The following UVRAG variants were observed in gnomAD, a reference collection of about 807,000 sequenced individuals.
The protein encoded by UVRAG is UV radiation resistance associated.
UVRAG carries 19 observed loss-of-function variants against 78.0 expected under a neutral mutation model. The ratio of observed to expected loss-of-function variants is 0.24; its 90% CI spans 0.17 to 0.36. The LOEUF (loss-of-function observed/expected upper bound fraction) is 0.36. Among genes scored for constraint, UVRAG ranks in the 10% least tolerant of loss-of-function variants. The pLI is 1.00. For synonymous variants in UVRAG, 323 were observed against 324.6 expected (o/e 1.00, Z 0.05); for missense variants, 740 against 853.8 (o/e 0.87, Z 1.66).
chr11:76,033,467 C>T (rs1026703660), intron 12 of UVRAG, among the ~76,000 whole-genome samples: 3 of 151,640 alleles, frequency 2.0e-5, no homozygotes, highest in Non-Finnish European at 4.4e-5. Context: ...TTGAAAAATC[C>T]TTGGCTTTGA....
chr11:75,987,074 T>C (rs1172384615), intron 8 of UVRAG, among the ~76,000 whole-genome samples: 2 of 152,260 alleles, frequency 1.3e-5, no homozygotes, highest in Non-Finnish European at 2.9e-5. Flanking sequence ...AGCATTCATA[T>C]ACAACTTTTT....
At chr11:76,041,004 T>C (rs147754425) in intron 12 of UVRAG, among the ~76,000 whole-genome samples, 64 of 152,242 alleles carry the variant, frequency 4.2e-4, no homozygotes, top group South Asian at 1.0e-3. Flanking sequence ...TTAACAATTA[T>C]ATGAAAGTAT....
intron 5 of UVRAG, among the ~76,000 whole-genome samples, chr11:75,907,935 A>G (rs1177214298): frequency 6.6e-6 from 1 of 152,170 alleles, no homozygotes; most frequent in Non-Finnish European, 1.5e-5. Context: ...AAAATTTACT[A>G]TCTTAACCAT....
intron 13 of UVRAG, among the ~76,000 whole-genome samples, chr11:76,078,454 A>G (rs1157941865): frequency 4.6e-5 from 7 of 152,014 alleles, no homozygotes; most frequent in Non-Finnish European, 1.0e-4. Flanking sequence ...ATTGGTTTAA[A>G]AATATATATA....
intron 13 of UVRAG, among the ~76,000 whole-genome samples, chr11:76,105,776 A>G (rs1393348874): frequency 6.6e-6 from 1 of 152,100 alleles, no homozygotes; most frequent in African/African-American, 2.4e-5. Flanking sequence ...AATAAAATAA[A>G]ACTTCATTGA....
intron 8 of UVRAG, among the ~76,000 whole-genome samples, chr11:76,000,577 T>G (rs1049355311): frequency 4.0e-5 from 6 of 151,660 alleles, no homozygotes; most frequent in African/African-American, 1.5e-4. Flanking sequence ...CATTGCACAC[T>G]GCAGCATAGC....
intron 5 of UVRAG, among the ~76,000 whole-genome samples, chr11:75,900,323 C>T (rs191228076): frequency 6.6e-6 from 1 of 152,148 alleles, no homozygotes; most frequent in Non-Finnish European, 1.5e-5. Flanking sequence ...TCACCCCATC[C>T]TGTAAGTTAA....
At chr11:76,135,184 A>G (rs1952579075) in intron 14 of UVRAG, among the ~76,000 whole-genome samples, 1 of 152,198 alleles carries the variant, frequency 6.6e-6, no homozygotes, top group South Asian at 2.1e-4. Flanking sequence ...CACTGATATA[A>G]CTAATAAACG....
intron 13 of UVRAG, among the ~76,000 whole-genome samples, chr11:76,092,483 A>G (rs1352114354): frequency 2.6e-5 from 4 of 152,122 alleles, no homozygotes; most frequent in Non-Finnish European, 5.9e-5. Flanking sequence ...ATTTCTCCAC[A>G]TCCTCTCCAG....
intron 12 of UVRAG, among the ~76,000 whole-genome samples, chr11:76,036,928 A>C (rs1244722477): frequency 6.6e-6 from 1 of 152,198 alleles, no homozygotes; most frequent in Admixed American, 6.5e-5. Context: ...CTTCCAGAGT[A>C]TAGTAGCATA....
intron 1 of UVRAG, among the ~76,000 whole-genome samples, chr11:75,832,518 G>A (rs936555096): frequency 2.0e-5 from 3 of 152,226 alleles, no homozygotes; most frequent in Middle Eastern, 3.2e-3. Context: ...GGGAAGGGAC[G>A]TGGAGCTTCC....
At chr11:76,014,420 G>C (rs1950110136) in intron 11 of UVRAG, among the ~76,000 whole-genome samples, 2 of 152,204 alleles carry the variant, frequency 1.3e-5, no homozygotes, top group African/African-American at 2.4e-5. Flanking sequence ...ATAGAGGGAA[G>C]TTGCAACTTA....
chr11:75,885,154 A>G (rs1440585096), intron 4 of UVRAG, among the ~76,000 whole-genome samples: 1 of 151,980 alleles, frequency 6.6e-6, no homozygotes, highest in Non-Finnish European at 1.5e-5. Context: ...TTTTGCTAGT[A>G]TATGTAGAAA....
intron 5 of UVRAG, 131 bp downstream of exon 5, chr11:75,889,034 T>C: frequency 1.6e-6 from 1 of 631,542 alleles, no homozygotes; most frequent in Non-Finnish European, 2.5e-6. Context: ...TAGTGTGGCT[T>C]AAGGTGGATG....
chr11:76,078,579 A>G (rs1239919904), intron 13 of UVRAG, among the ~76,000 whole-genome samples: 1 of 151,854 alleles, frequency 6.6e-6, no homozygotes, highest in African/African-American at 2.4e-5. Flanking sequence ...GAAATGATTT[A>G]ATGGAAAGAA....
intron 3 of UVRAG, among the ~76,000 whole-genome samples, chr11:75,871,750 T>C (rs900219408): frequency 2.0e-5 from 3 of 152,218 alleles, no homozygotes; most frequent in South Asian, 4.1e-4. Flanking sequence ...TATGTTCAGC[T>C]TTAGTAGATA....
chr11:75,969,954 T>C (rs1005559539), intron 7 of UVRAG, among the ~76,000 whole-genome samples: 2 of 152,212 alleles, frequency 1.3e-5, no homozygotes, highest in Non-Finnish European at 2.9e-5. Flanking sequence ...ATTTAATGGA[T>C]GAGTTTTGTA....
intron 6 of UVRAG, among the ~76,000 whole-genome samples, chr11:75,955,787 C>A (rs1948785004): frequency 6.6e-6 from 1 of 152,158 alleles, no homozygotes; most frequent in Non-Finnish European, 1.5e-5. Context: ...ACTCAGAAGG[C>A]TGAGGCAGGA....
intron 6 of UVRAG, among the ~76,000 whole-genome samples, chr11:75,943,742 G>T (rs984067319): frequency 6.6e-6 from 1 of 152,030 alleles, no homozygotes; most frequent in Non-Finnish European, 1.5e-5. Flanking sequence ...TCCCACCCAC[G>T]ATGCTATTTA....
Sources: allele counts gnomAD v4.1 joint callset (sites outside exome capture counted in the v4.1 genomes callset), GRCh38; gene constraint gnomAD v4.1.1; transcripts MANE v1.5; gene names NCBI Gene and HGNC (gene_info 2026-07-23, HGNC 2026-07-21).